UMAD1: variants seen among roughly 807,000 people sequenced by gnomAD.
UMAD1 encodes the protein UBAP1-MVB12-associated (UMA)-domain containing protein 1.
A neutral mutation model predicts 6.1 loss-of-function variants in UMAD1; 8 were observed. The ratio of observed to expected loss-of-function variants is 1.30; its 90% confidence interval spans 0.76 to 2.35. UMAD1 has a LOEUF of 2.35. Among genes scored for constraint, UMAD1 ranks in the 30% most tolerant of loss-of-function variants. The pLI, the probability that UMAD1 is intolerant of heterozygous loss-of-function variation, is 0.00. For synonymous variants in UMAD1, 56 were observed against 31.4 expected (o/e 1.78, Z -2.61); for missense variants, 130 against 78.4 (o/e 1.66, Z -2.49).
At chr7:7,743,871 A>C (rs1055356870) in intron 2 of UMAD1, among the ~76,000 whole-genome samples, 2 of 152,018 alleles carry the variant, frequency 1.3e-5, no homozygotes, top group Admixed American at 6.6e-5. Context: ...TCTATTTCTA[A>C]AGCTTTTCCA....
chr7:7,841,776 A>G (rs1220359238), intron 3 of UMAD1, among the ~76,000 whole-genome samples: 1 of 150,316 alleles, frequency 6.7e-6, no homozygotes, highest in African/African-American at 2.4e-5. Flanking sequence ...TAATTTGAAG[A>G]GTAATGAGAT....
chr7:7,868,598 T>C (rs1784279258), intron 3 of UMAD1: 1 of 148,994 alleles, frequency 6.7e-6, no homozygotes, highest in African/African-American at 2.5e-5. Context: ...AAAAAAATCA[T>C]GAGCCAGAAG....
intron 3 of UMAD1, among the ~76,000 whole-genome samples, chr7:7,876,614 G>T (rs570729571): frequency 1.3e-5 from 2 of 152,120 alleles, no homozygotes; most frequent in African/African-American, 4.8e-5. Context: ...AAAAAATTGC[G>T]TAACTTTTAT....
At chr7:7,855,510 C>T (rs758054965) in intron 3 of UMAD1, among the ~76,000 whole-genome samples, 2 of 152,234 alleles carry the variant, frequency 1.3e-5, no homozygotes, top group Non-Finnish European at 2.9e-5. Context: ...TGAGTTGTAC[C>T]TTGGCCCCTT....
intron 2 of UMAD1, among the ~76,000 whole-genome samples, chr7:7,797,738 G>C (rs1782717211): frequency 6.6e-6 from 1 of 151,520 alleles, no homozygotes; most frequent in African/African-American, 2.4e-5. Context: ...GCCCAGGCTG[G>C]AGTGCAGTGG....
intron 3 of UMAD1, among the ~76,000 whole-genome samples, chr7:7,836,745 G>A (rs1783579723): frequency 6.6e-6 from 1 of 151,788 alleles, no homozygotes; most frequent in Non-Finnish European, 1.5e-5. Flanking sequence ...GAGTATATTA[G>A]ACATAAGCAA....
intron 3 of UMAD1, among the ~76,000 whole-genome samples, chr7:7,835,930 A>G (rs1020825909): frequency 9.9e-5 from 15 of 152,014 alleles, no homozygotes; most frequent in African/African-American, 3.6e-4. Context: ...ATATTTTTAC[A>G]TTCACTGAAA....
At chr7:7,685,537 G>T (rs1248939584) in intron 2 of UMAD1, among the ~76,000 whole-genome samples, 1 of 152,074 alleles carries the variant, frequency 6.6e-6, no homozygotes, top group African/African-American at 2.4e-5. Flanking sequence ...TCCATATCCT[G>T]ACCTCGTGAT....
At chr7:7,721,217 T>G (rs1267389574) in intron 2 of UMAD1, among the ~76,000 whole-genome samples, 1 of 152,240 alleles carries the variant, frequency 6.6e-6, no homozygotes, top group African/African-American at 2.4e-5. Context: ...AATAAATTTC[T>G]GTTGTGTTAA....
intron 2 of UMAD1, among the ~76,000 whole-genome samples, chr7:7,677,111 A>T (rs916437545): frequency 6.6e-6 from 1 of 152,078 alleles, no homozygotes; most frequent in South Asian, 2.1e-4. Context: ...TTTTATTTTT[A>T]ATCATTATGG....
chr7:7,806,396 T>C (rs1782914560), intron 3 of UMAD1, among the ~76,000 whole-genome samples: 1 of 152,208 alleles, frequency 6.6e-6, no homozygotes, highest in Non-Finnish European at 1.5e-5. Flanking sequence ...AATGCTTAGA[T>C]TGTCTTTTAT....
At chr7:7,834,016 CTTTTTTTTTTT>C (rs4034895) in intron 3 of UMAD1, among the ~76,000 whole-genome samples, 2 of 110,450 alleles carry the variant, frequency 1.8e-5, no homozygotes, top group Non-Finnish European at 1.8e-5. Flanking sequence ...TTTTTCTTTT[CTTTTTTTTTTT>C]TTTTTTTTTT....
At chr7:7,751,014 CAG>C (rs1213642125) in intron 2 of UMAD1, among the ~76,000 whole-genome samples, 1 of 152,084 alleles carries the variant, frequency 6.6e-6, no homozygotes, top group African/African-American at 2.4e-5. Context: ...AACTGAAAAC[CAG>C]CTTTAACTGT....
In UMAD1 at chr7:7,673,437, T is replaced by C; in HGVS notation, c.66T>C (p.Asp22=). ...CCTCAGTACCAGAGACAGAAGCAGATGGATTCGTCCTTTTAGGTGAGTCTT... is the reference window on the plus strand; with the variant it reads ...CCTCAGTACCAGAGACAGAAGCAGACGGATTCGTCCTTTTAGGTGAGTCTT... ...KKPSVPETEA[D]GFVLLGDTTD... The change falls in exon 2 of 4, where the codon GAT becomes GAC. Residue 22 remains aspartate (D), a synonymous_variant. Coordinates refer to ENST00000682710, the MANE Select transcript of UMAD1 (RefSeq NM_001302348.2). The C allele has an allele frequency of 1.1e-6, 1 of 918,102 alleles. No individual in the cohort carries two copies. Among genetic ancestry groups the C allele is most frequent in the South Asian group, 1.4e-5 (1 of 71,902 alleles). The allele number at this position is 918,102 out of a possible 1,614,324, so 56.9% of individuals were successfully genotyped here.
In UMAD1 at chr7:7,673,359, AGCAGCAG is replaced by A; in HGVS notation, c.-12_-6del. On this transcript the variant is annotated 5_prime_UTR_variant, in exon 2 of 4. Coordinates refer to ENST00000682710, the MANE Select transcript of UMAD1 (RefSeq NM_001302348.2). ...CAGCAGCAGCAGCAGCAGCAGCAGC[AGCAGCAG>A]CAGCAATGTTTCACTTCTTCAGAAA... 7.8e-7 allele frequency: 1 copy of A among 1,280,514 alleles called. No homozygotes were observed. Among genetic ancestry groups the A allele is most frequent in the Non-Finnish European group, 1.1e-6 (1 of 912,874 alleles). The allele number at this position is 1,280,514 out of a possible 1,614,324, so 79.3% of individuals were successfully genotyped here. A position where few individuals can be genotyped will look rare whatever the true frequency, so the allele number is the denominator to read the frequency against.
At chr7:7,661,033 ATCTTG>A (rs1785462509) in intron 1 of UMAD1, among the ~76,000 whole-genome samples, 1 of 151,318 alleles carries the variant, frequency 6.6e-6, no homozygotes, top group East Asian at 1.9e-4. Context: ...TTGTTTTCTA[ATCTTG>A]TCTTCATGCT....
intron 3 of UMAD1, among the ~76,000 whole-genome samples, chr7:7,854,208 A>G (rs1783970996): frequency 6.6e-6 from 1 of 151,916 alleles, no homozygotes; most frequent in South Asian, 2.1e-4. Flanking sequence ...ATACAGAATT[A>G]GCTGGGTGTG....
chr7:7,864,470 T>A (rs1232084114), intron 3 of UMAD1, among the ~76,000 whole-genome samples: 5 of 151,994 alleles, frequency 3.3e-5, no homozygotes, highest in African/African-American at 1.2e-4. Context: ...GGCACACTCA[T>A]ACACACCCAC....
intron 3 of UMAD1, among the ~76,000 whole-genome samples, chr7:7,806,681 C>T (rs890439269): frequency 9.9e-5 from 15 of 152,184 alleles, no homozygotes; most frequent in African/African-American, 3.6e-4. Context: ...TGTTAATTTA[C>T]ATTATTTTTG....
Sources: allele counts gnomAD v4.1 joint callset (sites outside exome capture counted in the v4.1 genomes callset), GRCh38; gene constraint gnomAD v4.1.1; transcripts MANE v1.5; gene names NCBI Gene and HGNC (gene_info 2026-07-23, HGNC 2026-07-21).